The following SNX13 variants were observed in gnomAD, a reference collection of about 807,000 sequenced individuals.
The protein encoded by SNX13 is sorting nexin 13.
Under a neutral mutation model 133.6 loss-of-function variants are expected in SNX13, and 45 were observed. The ratio of observed to expected loss-of-function variants is 0.34; its 90% CI spans 0.27 to 0.43. The LOEUF is 0.43. SNX13 is among the 20% of genes least tolerant of loss of function. The pLI is 1.00. For missense variants in SNX13, 1,032 were observed against 1,145.1 expected (o/e 0.90, Z 1.43); for synonymous variants, 414 against 373.9 (o/e 1.11, Z -1.24).
chr7:17,862,185 T>C (rs985473673), intron 9 of SNX13, among the ~76,000 whole-genome samples: 3 of 152,184 alleles, frequency 2.0e-5, no homozygotes, highest in African/African-American at 7.2e-5. Context: ...ATAAAAATAA[T>C]TCCCAATCCC....
chr7:17,937,632 G>A (rs1451923302), intron 1 of SNX13, among the ~76,000 whole-genome samples: 1 of 151,224 alleles, frequency 6.6e-6, no homozygotes, highest in Non-Finnish European at 1.5e-5. Flanking sequence ...CCTCACCTTG[G>A]TTAAAAAAAA....
intron 1 of SNX13, among the ~76,000 whole-genome samples, chr7:17,929,889 G>A (rs1411601193): frequency 6.6e-6 from 1 of 152,100 alleles, no homozygotes; most frequent in East Asian, 1.9e-4. Context: ...TACGTAAATT[G>A]AGAAGTTAGT....
chr7:17,796,889 T>C lies in SNX13; in HGVS notation c.2564A>G (p.Asp855Gly), dbSNP rs1359666800. 1.9e-6 allele frequency: 3 copies of C among 1,611,260 alleles called. No homozygotes were observed. Among genetic ancestry groups the C allele is most frequent in the African/African-American group, 2.7e-5 (2 of 74,810 alleles). The change falls in exon 25 of 26, where the codon GAT (aspartate) becomes GGT (glycine). Residue 855 changes from aspartate to glycine, a missense_variant. Coordinates refer to ENST00000428135, the MANE Select transcript of SNX13 (RefSeq NM_015132.5). Reference sequence around the variant, plus strand: ...TCTTGTTCTCATTCGAATACTTTTATCTCTGCATGGAACAGCCTCTGCTAA... The same window carrying C: ...TCTTGTTCTCATTCGAATACTTTTACCTCTGCATGGAACAGCCTCTGCTAA... ...GILAEAVPCR[D>G]KSIRMRTRVA...
chr7:17,929,245 T>C (rs560564372), intron 1 of SNX13, among the ~76,000 whole-genome samples: 1 of 152,028 alleles, frequency 6.6e-6, no homozygotes, highest in African/African-American at 2.4e-5. Flanking sequence ...TAGAGAGAGA[T>C]ATAGATTCAC....
At chr7:17,932,438 T>C (rs79775987) in intron 1 of SNX13, among the ~76,000 whole-genome samples, 11,324 of 152,280 alleles carry the variant, frequency 0.074, 514 homozygotes, top group South Asian at 0.15. Context: ...TAAGGGTAAT[T>C]AATATGATGG....
chr7:17,876,147 C>G (rs962637273), intron 5 of SNX13, among the ~76,000 whole-genome samples: 1 of 152,224 alleles, frequency 6.6e-6, no homozygotes, highest in African/African-American at 2.4e-5. Flanking sequence ...ATAAGGAATT[C>G]TGAATAGTTT....
Position 17,873,583 on chromosome 7 carries a change from T to C in SNX13, c.698A>G (p.Tyr233Cys), listed in dbSNP as rs1182921440. The C allele has an allele frequency of 6.3e-7, 1 of 1,582,466 alleles. No homozygotes were observed. The highest frequency in any genetic ancestry group is 8.6e-7 in the Non-Finnish European group (1 of 1,164,748). ...FLRDLCEVLLYLLLPPGDFQN... is the reference protein window; with the variant it reads ...FLRDLCEVLLCLLLPPGDFQN... The stretch of plus-strand genomic sequence containing the variant: ...GAAATCTCCAGGAGGTAGCAATAAA[T>C]ATAGTAAGACCTCACACAAATCCCT... The change falls in exon 8 of 26, where the codon TAT becomes TGT. Residue 233 changes from tyrosine (Y) to cysteine (C), a missense_variant. Physicochemically the swap from Tyr to Cys is radical, Grantham distance 194 (BLOSUM62 -2). Transcript: ENST00000428135.
intron 2 of SNX13, among the ~76,000 whole-genome samples, chr7:17,895,562 T>C (rs1797111108): frequency 6.6e-6 from 1 of 152,184 alleles, no homozygotes; most frequent in South Asian, 2.1e-4. Flanking sequence ...TAATATTCTC[T>C]AGAGTTTTTT....
intron 9 of SNX13, among the ~76,000 whole-genome samples, chr7:17,862,599 C>T (rs955177394): frequency 6.6e-6 from 1 of 151,968 alleles, no homozygotes; most frequent in Admixed American, 6.6e-5. Flanking sequence ...AAGATATGAA[C>T]AATTTTTCAA....
chr7:17,863,875 T>C (rs1351034192), intron 9 of SNX13, among the ~76,000 whole-genome samples: 1 of 152,188 alleles, frequency 6.6e-6, no homozygotes. Flanking sequence ...AAAGACTTTG[T>C]CTGGTAACCT....
In SNX13 at chr7:17,873,626, G is replaced by A; in HGVS notation, c.665-10C>T. 6.7e-7 allele frequency: 1 copy of A among 1,497,614 alleles called. No individual in the cohort carries two copies. Among genetic ancestry groups the A allele is most frequent in the East Asian group, 2.4e-5 (1 of 42,014 alleles). The allele number at this position is 1,497,614 out of a possible 1,614,324, so 92.8% of individuals were successfully genotyped here. On this transcript the variant is annotated splice_polypyrimidine_tract_variant and intron_variant, in intron 7 of 25. Coordinates refer to ENST00000428135, the MANE Select transcript of SNX13 (RefSeq NM_015132.5). ...AAATCCCTTAGGAATCCTAAAAGTAGAAAAAGTAGCTATCATAACATTAGA... is the reference window on the plus strand; with the variant it reads ...AAATCCCTTAGGAATCCTAAAAGTAAAAAAAGTAGCTATCATAACATTAGA...
chr7:17,868,363 A>G, intron 9 of SNX13, 44 bp downstream of exon 9: 2 of 1,432,578 alleles, frequency 1.4e-6, no homozygotes, highest in African/African-American at 1.4e-5. Context: ...TTACATTTCA[A>G]AAATTATTTC....
At chr7:17,884,649 T>G (rs1252960738) in intron 5 of SNX13, among the ~76,000 whole-genome samples, 1 of 152,214 alleles carries the variant, frequency 6.6e-6, no homozygotes, top group Non-Finnish European at 1.5e-5. Context: ...ATTGGGTCTA[T>G]GAACATTTCA....
At chr7:17,809,571 A>G (rs1426964683) in intron 20 of SNX13, among the ~76,000 whole-genome samples, 2 of 152,212 alleles carry the variant, frequency 1.3e-5, no homozygotes, top group African/African-American at 2.4e-5. Context: ...TGAGACAGAA[A>G]ATTAACAAGG....
intron 11 of SNX13, among the ~76,000 whole-genome samples, chr7:17,848,400 A>G (rs1396139228): frequency 1.3e-5 from 2 of 152,206 alleles, no homozygotes; most frequent in Non-Finnish European, 2.9e-5. Flanking sequence ...GAGTGTGCAC[A>G]CAAAAGGCTT....
intron 17 of SNX13, among the ~76,000 whole-genome samples, chr7:17,825,657 T>C (rs537410540): frequency 6.6e-6 from 1 of 152,224 alleles, no homozygotes; most frequent in East Asian, 1.9e-4. Flanking sequence ...TAGCCTGACT[T>C]TGTATATATG....
chr7:17,875,105 C>T (rs1433124506), intron 7 of SNX13, among the ~76,000 whole-genome samples: 1 of 152,022 alleles, frequency 6.6e-6, no homozygotes, highest in Non-Finnish European at 1.5e-5. Context: ...TTCCCAGGCT[C>T]CGGTGATTCT....
intron 9 of SNX13, among the ~76,000 whole-genome samples, chr7:17,851,720 G>C (rs560460676): frequency 6.6e-6 from 1 of 150,706 alleles, no homozygotes; most frequent in Non-Finnish European, 1.5e-5. Context: ...TTTGCCGGGC[G>C]GGGGGGGCGG....
At chr7:17,847,054 A>T (rs573185799) in intron 11 of SNX13, among the ~76,000 whole-genome samples, 1 of 152,322 alleles carries the variant, frequency 6.6e-6, no homozygotes, top group African/African-American at 2.4e-5. Context: ...TTTTAAAAGG[A>T]TTCAATATCA....
Sources: gnomAD v4.1 joint callset for allele counts (sites outside exome capture counted in the v4.1 genomes callset) on GRCh38, gnomAD v4.1.1 for gene constraint, MANE v1.5 for transcripts, NCBI Gene and HGNC (gene_info 2026-07-23, HGNC 2026-07-21) for gene names.